Variants in OCIAD1 observed in about 807,000 individuals in gnomAD.
OCIAD1 encodes OCIA domain-containing protein 1.
Under a neutral mutation model 38.9 loss-of-function variants are expected in OCIAD1, and 29 were observed. The observed-to-expected ratio is 0.74, with a 90% CI of 0.55 to 1.02. The LOEUF (loss-of-function observed/expected upper bound fraction) is 1.02, where lower values mean the gene tolerates loss of function less well. Among genes scored for constraint, OCIAD1 ranks in the 50% least tolerant of loss-of-function variants. OCIAD1 has a pLI of 0.00. For synonymous variants in OCIAD1, 110 were observed against 92.0 expected, an observed-to-expected ratio of 1.20 and a Z score of -1.12; for missense variants, 288 against 289.6, an observed-to-expected ratio of 0.99 and a Z score of 0.04.
chr4:48,816,303 A>C (rs572614449), intron 1 of OCIAD1, among the ~76,000 whole-genome samples: 73 of 152,330 alleles, frequency 4.8e-4, no homozygotes, highest in Middle Eastern at 6.8e-3. Context: ...GGACATCTAT[A>C]TAGCGCTTAG....
chr4:48,818,553 C>T (rs758331651), intron 1 of OCIAD1, among the ~76,000 whole-genome samples: 10 of 152,170 alleles, frequency 6.6e-5, no homozygotes, highest in Non-Finnish European at 1.5e-4. Flanking sequence ...AGCAAGGGCA[C>T]AAAACTGGAC....
intron 7 of OCIAD1, among the ~76,000 whole-genome samples, chr4:48,854,130 G>A (rs1339663530): frequency 6.6e-6 from 1 of 152,148 alleles, no homozygotes; most frequent in Non-Finnish European, 1.5e-5. Flanking sequence ...TTCTTGTACA[G>A]TAGTCCCCCC....
At chr4:48,809,869 A>G (rs1253435926) in intron 1 of OCIAD1, among the ~76,000 whole-genome samples, 1 of 152,126 alleles carries the variant, frequency 6.6e-6, no homozygotes, top group South Asian at 2.1e-4. Context: ...CACAGTAGTG[A>G]CTTATTGCAT....
intron 8 of OCIAD1, chr4:48,860,063 T>C (rs2109637897): frequency 6.6e-6 from 1 of 152,482 alleles, no homozygotes; most frequent in Middle Eastern, 3.4e-3. Flanking sequence ...TTGTTATGAT[T>C]ACTCACAGAC....
chr4:48,811,978 T>G (rs1777093325), intron 1 of OCIAD1, among the ~76,000 whole-genome samples: 1 of 150,546 alleles, frequency 6.6e-6, no homozygotes, highest in South Asian at 2.1e-4. Flanking sequence ...CAGAGAGAGG[T>G]CTATACTAGA....
intron 3 of OCIAD1, among the ~76,000 whole-genome samples, chr4:48,836,298 T>C (rs1777982682): frequency 6.6e-6 from 1 of 152,154 alleles, no homozygotes; most frequent in African/African-American, 2.4e-5. Flanking sequence ...TTTAAAAAGT[T>C]CGACTAAGGG....
At chr4:48,836,995 G>A (rs977089629) in intron 3 of OCIAD1, among the ~76,000 whole-genome samples, 1 of 151,990 alleles carries the variant, frequency 6.6e-6, no homozygotes, top group African/African-American at 2.4e-5. Flanking sequence ...TTTTTGAGAC[G>A]GAGTCTCGCT....
At chr4:48,856,404 T>C (rs1310269333) in intron 7 of OCIAD1, 1 of 152,222 alleles carries the variant, frequency 6.6e-6, no homozygotes, top group Non-Finnish European at 1.5e-5. Flanking sequence ...TTCCTTTTTT[T>C]TTGAGACAGA....
chr4:48,845,641 A>G (rs1436419464), intron 4 of OCIAD1, among the ~76,000 whole-genome samples: 1 of 152,148 alleles, frequency 6.6e-6, no homozygotes, highest in Non-Finnish European at 1.5e-5. Flanking sequence ...TATATTTTGG[A>G]TATAATATAT....
chr4:48,819,487 C>T (rs1302253677), intron 1 of OCIAD1, among the ~76,000 whole-genome samples: 1 of 151,984 alleles, frequency 6.6e-6, no homozygotes. Flanking sequence ...GAAACTGCAT[C>T]AATTAATGTG....
chr4:48,858,753 C>A (rs1384595249), intron 8 of OCIAD1, among the ~76,000 whole-genome samples: 1 of 152,200 alleles, frequency 6.6e-6, no homozygotes, highest in Non-Finnish European at 1.5e-5. Flanking sequence ...CTGTGCCTGA[C>A]CTTTCTTGTA....
chr4:48,857,717 G>A (rs1780191943), intron 8 of OCIAD1, among the ~76,000 whole-genome samples: 1 of 152,020 alleles, frequency 6.6e-6, no homozygotes, highest in African/African-American at 2.4e-5. Context: ...GTTTCATCAT[G>A]TTGGCCAGGA....
chr4:48,833,521 T>C (rs1285782997), intron 3 of OCIAD1, 40 bp downstream of exon 3: 2 of 1,272,756 alleles, frequency 1.6e-6, no homozygotes, highest in Admixed American at 2.0e-5. Flanking sequence ...TGATCCAAAA[T>C]TTGTACCTGA....
At chr4:48,810,528 G>A (rs1429691328) in intron 1 of OCIAD1, among the ~76,000 whole-genome samples, 19 of 149,712 alleles carry the variant, frequency 1.3e-4, no homozygotes, top group African/African-American at 3.7e-4. Context: ...GGCAGACCTC[G>A]AACTTCGTGG....
intron 1 of OCIAD1, among the ~76,000 whole-genome samples, chr4:48,816,250 G>A (rs1267560652): frequency 4.6e-5 from 7 of 152,250 alleles, no homozygotes; most frequent in African/African-American, 9.6e-5. Flanking sequence ...ATAGAAAAAC[G>A]CTAATCTTTG....
chr4:48,818,777 T>C (rs1777164933), intron 1 of OCIAD1, among the ~76,000 whole-genome samples: 1 of 152,068 alleles, frequency 6.6e-6, no homozygotes, highest in African/African-American at 2.4e-5. Flanking sequence ...TTGTGAAGCA[T>C]ACACAAGTAT....
intron 1 of OCIAD1, among the ~76,000 whole-genome samples, chr4:48,808,920 G>C (rs1777058605): frequency 6.6e-6 from 1 of 152,032 alleles, no homozygotes; most frequent in Non-Finnish European, 1.5e-5. Context: ...CCAAACCTGA[G>C]AGTCATTCTT....
At chr4:48,829,253 C>T (rs2109501636), upstream of OCIAD1, among the ~76,000 whole-genome samples, 1 of 151,682 alleles carries the variant, frequency 6.6e-6, no homozygotes, top group African/African-American at 2.4e-5. Context: ...GAGCAAGGCC[C>T]TGTCCTAAAA....
intron 4 of OCIAD1, among the ~76,000 whole-genome samples, chr4:48,843,269 T>TA (rs1778693872): frequency 6.6e-6 from 1 of 152,218 alleles, no homozygotes; most frequent in Non-Finnish European, 1.5e-5. Flanking sequence ...GATTGAGTAT[T>TA]AAATGTCTTG....
Sources: gnomAD v4.1 joint callset for allele counts (sites outside exome capture counted in the v4.1 genomes callset) on GRCh38, gnomAD v4.1.1 for gene constraint, MANE v1.5 for transcripts, NCBI Gene and HGNC (gene_info 2026-07-23, HGNC 2026-07-21) for gene names.